The following UBE4B variants were observed in gnomAD, a reference collection of about 807,000 sequenced individuals.
UBE4B encodes the protein ubiquitination factor E4B, also known as ubiquitin conjugation factor E4 B.
In UBE4B, 27 loss-of-function variants were observed where a neutral mutation model predicts 148.1. The ratio of observed to expected loss-of-function variants is 0.18; its 90% CI spans 0.13 to 0.25. The LOEUF is 0.25. Among genes scored for constraint, UBE4B ranks in the 10% least tolerant of loss-of-function variants. UBE4B has a pLI of 1.00. For missense variants in UBE4B, 1,170 were observed against 1,662.4 expected (o/e 0.70, Z 5.15); for synonymous variants, 596 against 619.3 (o/e 0.96, Z 0.56).
chr1:10,132,417 C>G lies in UBE4B; in HGVS notation c.1960C>G (p.Arg654Gly). The change falls in exon 15 of 28, where the codon CGT (arginine) becomes GGT (glycine). Residue 654 changes from arginine (R) to glycine (G), a missense_variant. Transcript: ENST00000343090. The part of the protein sequence containing the change: ...LHSILLNGET[R>G]EAALSYMAAV... Reference sequence around the variant, plus strand: ...TAGTATTTTGTTAAATGGCGAAACCCGTGAGGCTGCTCTCAGTTACATGGC... The same window carrying G: ...TAGTATTTTGTTAAATGGCGAAACCGGTGAGGCTGCTCTCAGTTACATGGC... 1 of 1,614,116 alleles carries G rather than the reference C, an allele frequency of 6.2e-7. No homozygotes were observed. The highest frequency in any genetic ancestry group is 8.5e-7 in the Non-Finnish European group (1 of 1,180,002).
chr1:10,180,085 A>T lies in UBE4B; in HGVS notation c.*129A>T. 2 of 1,154,554 alleles carry T rather than the reference A, an allele frequency of 1.7e-6. No individual in the cohort carries two copies. The highest frequency in any genetic ancestry group is 2.5e-6 in the Non-Finnish European group (2 of 798,292). 71.5% of individuals were successfully genotyped at this position (1,154,554 alleles called of 1,614,324 possible). A position where few individuals can be genotyped will look rare whatever the true frequency, so the allele number is the denominator to read the frequency against. ...TGGCAAACCAACCCCAGGCCCACCC[A>T]GAGCGAGCAAACGCTGAGACCTGAA... On this transcript the variant is annotated 3_prime_UTR_variant, in exon 28 of 28. Transcript: ENST00000343090.
Position 10,072,154 on chromosome 1 carries a change from C to G in UBE4B, c.151C>G (p.Gln51Glu), listed in dbSNP as rs777104550. Residue 51 changes from glutamine to glutamate, a missense_variant, in exon 2 of 28, where the codon CAG (glutamine) becomes GAG (glutamate). Gln to Glu is a conservative substitution (Grantham distance 29). This residue lies in a region of UBE4B where 127 missense variants were observed against 153.2 expected (regional missense o/e 0.83). Coordinates refer to ENST00000343090, the MANE Select transcript of UBE4B (RefSeq NM_001105562.3). ...PIAASAPGPSQSLGLNVHNMT... is the reference protein window; with the variant it reads ...PIAASAPGPSESLGLNVHNMT... The stretch of plus-strand genomic sequence containing the variant: ...AGCGGCATCAGCCCCAGGACCCTCT[C>G]AGAGTCTTGGTCTCAATGTCCACAA... 3.7e-6 allele frequency: 6 copies of G among 1,614,010 alleles called. No homozygotes were observed. Among genetic ancestry groups the G allele is most frequent in the East Asian group, 2.2e-5 (1 of 44,858 alleles).
rs1166447121 is a variant in UBE4B at position 10,128,362 on chromosome 1, AG to A, written c.1639-1027del. ...TAATAACGAGGACACAGTGAGTGAG[AG>A]GGTACAATAATGAGAGGCAGGAAGC... On this transcript the variant is annotated intron_variant, in intron 11 of 27. Coordinates refer to ENST00000343090, the MANE Select transcript of UBE4B (RefSeq NM_001105562.3). 10 of 152,314 alleles carry A rather than the reference AG, an allele frequency of 6.6e-5. No individual in the cohort carries two copies. The East Asian group carries it at 1.9e-3, about 29-fold the overall frequency. The allele number at this position is 152,314 out of a possible 1,614,324, so 9.4% of individuals were successfully genotyped here.
chr1:10,144,746 AAAAG>A (rs1553151503), intron 17 of UBE4B, among the ~76,000 whole-genome samples, 190 bp from the exon 18 acceptor site: 24 of 146,606 alleles, frequency 1.6e-4, no homozygotes, highest in East Asian at 1.4e-3. Context: ...AAAAAAAAAA[AAAAG>A]AAAGAAAGAA....
intron 1 of UBE4B, chr1:10,059,150 A>T (rs1287779805): frequency 6.6e-6 from 1 of 152,380 alleles, no homozygotes; most frequent in Non-Finnish European, 1.5e-5. Flanking sequence ...GAATGGCGTG[A>T]ACATGGGAGG....
chr1:10,061,779 T>G (rs2101813528), intron 1 of UBE4B, among the ~76,000 whole-genome samples: 1 of 152,284 alleles, frequency 6.6e-6, no homozygotes, highest in African/African-American at 2.4e-5. Context: ...TGGGCTACTC[T>G]CAAACTTTTT....
intron 21 of UBE4B, among the ~76,000 whole-genome samples, chr1:10,156,811 T>G (rs1646080267): frequency 1.3e-5 from 2 of 152,240 alleles, no homozygotes; most frequent in African/African-American, 2.4e-5. Flanking sequence ...TATCTTATTT[T>G]ATTTTTAAAT....
chr1:10,078,637 A>G (rs1378628905), intron 2 of UBE4B, among the ~76,000 whole-genome samples: 2 of 152,182 alleles, frequency 1.3e-5, no homozygotes, highest in African/African-American at 2.4e-5. Context: ...TTGCCTATCA[A>G]ACATCTTGAG....
chr1:10,167,772 T>C (rs903209584), intron 23 of UBE4B, among the ~76,000 whole-genome samples: 4 of 152,000 alleles, frequency 2.6e-5, no homozygotes, highest in African/African-American at 9.7e-5. Flanking sequence ...TTTGTATTTT[T>C]AGTAGCGACG....
chr1:10,145,236 G>C, intron 18 of UBE4B, 197 bp downstream of exon 18: 1 of 426,642 alleles, frequency 2.3e-6, no homozygotes. Context: ...TCTCAGGACA[G>C]AATATGGATA....
chr1:10,167,146 A>G (rs908255856), intron 23 of UBE4B, among the ~76,000 whole-genome samples: 2 of 151,248 alleles, frequency 1.3e-5, no homozygotes, highest in South Asian at 2.1e-4. Context: ...AAAAATAACA[A>G]TAATAATAGA....
chr1:10,122,460 A>T (rs1474991314), intron 10 of UBE4B, among the ~76,000 whole-genome samples: 7 of 152,256 alleles, frequency 4.6e-5, no homozygotes, highest in Non-Finnish European at 8.8e-5. Context: ...TGTAAGATTA[A>T]CTTAATGACC....
At chr1:10,140,785 G>A (rs755360848) in intron 17 of UBE4B, among the ~76,000 whole-genome samples, 2 of 152,132 alleles carry the variant, frequency 1.3e-5, no homozygotes, top group African/African-American at 4.8e-5. Flanking sequence ...GTGTATATGC[G>A]TATTGGAAAG....
intron 2 of UBE4B, among the ~76,000 whole-genome samples, chr1:10,084,584 C>T (rs1328023564): frequency 6.6e-6 from 1 of 152,036 alleles, no homozygotes; most frequent in Non-Finnish European, 1.5e-5. Context: ...ATCTGTTGAG[C>T]TCATAGTAGG....
intron 8 of UBE4B, 115 bp from the exon 9 acceptor site, chr1:10,119,398 G>T: frequency 1.0e-6 from 1 of 959,692 alleles, no homozygotes; most frequent in Non-Finnish European, 1.6e-6. Flanking sequence ...TAAGAATAAA[G>T]GAAGAGGAAA....
intron 1 of UBE4B, among the ~76,000 whole-genome samples, chr1:10,057,468 G>A (rs2101805411): frequency 1.4e-5 from 2 of 145,760 alleles, no homozygotes; most frequent in African/African-American, 5.1e-5. Flanking sequence ...CCAGGCTGGA[G>A]TGCAGTGGCG....
At chr1:10,091,930 T>G (rs1644855306) in intron 2 of UBE4B, among the ~76,000 whole-genome samples, 1 of 151,842 alleles carries the variant, frequency 6.6e-6, no homozygotes, top group Admixed American at 6.6e-5. Context: ...TTTAAGTATT[T>G]TGTAGAGACA....
At chr1:10,148,023 C>T (rs1300993847) in intron 19 of UBE4B, among the ~76,000 whole-genome samples, 3 of 152,110 alleles carry the variant, frequency 2.0e-5, no homozygotes, top group Admixed American at 6.5e-5. Flanking sequence ...GTCAGGAGAT[C>T]GAGACCATCT....
chr1:10,054,181 A>G (rs1243765728), intron 1 of UBE4B, among the ~76,000 whole-genome samples: 3 of 152,124 alleles, frequency 2.0e-5, no homozygotes, highest in Non-Finnish European at 2.9e-5. Context: ...TAGAGGGACT[A>G]TCTTCAAACC....
Sources: allele counts gnomAD v4.1 joint callset (sites outside exome capture counted in the v4.1 genomes callset), GRCh38; gene constraint gnomAD v4.1.1; regional missense constraint gnomAD v4.1.1; transcripts MANE v1.5; gene names NCBI Gene and HGNC (gene_info 2026-07-23, HGNC 2026-07-21).